Variants in DOCK4 observed in about 807,000 individuals in gnomAD.
DOCK4 encodes the protein dedicator of cytokinesis 4, also known as dedicator of cytokinesis protein 4.
DOCK4 carries 97 observed loss-of-function variants against 268.1 expected under a neutral mutation model. The observed-to-expected ratio is 0.36, with a 90% confidence interval of 0.31 to 0.43. The LOEUF is 0.43. DOCK4 is among the 20% of genes least tolerant of loss of function. DOCK4 has a pLI of 1.00. For missense variants in DOCK4, 2,145 were observed against 2,455.7 expected, an observed-to-expected ratio of 0.87 and a Z score of 2.67; for synonymous variants, 954 against 887.2, an observed-to-expected ratio of 1.08 and a Z score of -1.34.
At chr7:111,836,810 G>C (rs1419356926) in intron 25 of DOCK4, among the ~76,000 whole-genome samples, 1 of 151,948 alleles carries the variant, frequency 6.6e-6, no homozygotes, top group Admixed American at 6.6e-5. Flanking sequence ...GAAAGGTAGG[G>C]CAGTAGAAAT....
At chr7:111,917,226 T>A (rs141231380) in intron 12 of DOCK4, among the ~76,000 whole-genome samples, 5,949 of 151,868 alleles carry the variant, frequency 0.039, 351 homozygotes, top group East Asian at 0.3. Context: ...GACCTTGTGA[T>A]CTGCCCTCCT....
chr7:112,088,895 G>A (rs1389300686), intron 1 of DOCK4, among the ~76,000 whole-genome samples: 1 of 152,058 alleles, frequency 6.6e-6, no homozygotes, highest in Non-Finnish European at 1.5e-5. Flanking sequence ...GATTAATTAA[G>A]TAATGCATTT....
intron 19 of DOCK4, 32 bp from the exon 20 acceptor site, chr7:111,872,122 A>G (rs1222952868): frequency 6.7e-7 from 1 of 1,491,276 alleles, no homozygotes; most frequent in Admixed American, 2.5e-5. Context: ...TTATAAAACT[A>G]AATGCAAATC....
At chr7:111,812,522 T>C (rs1346698748) in intron 27 of DOCK4, among the ~76,000 whole-genome samples, 1 of 152,222 alleles carries the variant, frequency 6.6e-6, no homozygotes, top group Non-Finnish European at 1.5e-5. Flanking sequence ...CCTCAAGCTA[T>C]CCTCCTGTCT....
intron 16 of DOCK4, among the ~76,000 whole-genome samples, chr7:111,881,138 C>T (rs956775606): frequency 6.6e-6 from 1 of 152,102 alleles, no homozygotes; most frequent in Admixed American, 6.6e-5. Context: ...GAAGAGACAA[C>T]CCACATAATG....
intron 8 of DOCK4, among the ~76,000 whole-genome samples, chr7:111,963,523 A>T (rs552270806): frequency 1.6e-5 from 1 of 60,876 alleles, no homozygotes; most frequent in South Asian, 6.3e-4. Context: ...GCGCACCACG[A>T]GACTATATCC....
intron 30 of DOCK4, among the ~76,000 whole-genome samples, chr7:111,792,380 G>T (rs1254826973): frequency 2.0e-5 from 3 of 152,108 alleles, no homozygotes; most frequent in Admixed American, 6.5e-5. Context: ...GAGGGTTTTT[G>T]TTGTTGTTGT....
intron 1 of DOCK4, among the ~76,000 whole-genome samples, chr7:112,139,624 G>C (rs1402534075): frequency 1.3e-5 from 2 of 152,184 alleles, no homozygotes; most frequent in African/African-American, 4.8e-5. Flanking sequence ...TACTTCTGTA[G>C]CCAAGCGTGA....
At chr7:112,001,161 A>C (rs1249726175) in intron 2 of DOCK4, among the ~76,000 whole-genome samples, 1 of 152,210 alleles carries the variant, frequency 6.6e-6, no homozygotes, top group African/African-American at 2.4e-5. Context: ...CCAAGAGCTC[A>C]GCGTAATTTT....
intron 16 of DOCK4, among the ~76,000 whole-genome samples, chr7:111,879,179 C>T (rs1397290378): frequency 6.6e-6 from 1 of 151,884 alleles, no homozygotes; most frequent in Non-Finnish European, 1.5e-5. Context: ...AGTCATGAGG[C>T]CTCCATTCTA....
intron 7 of DOCK4, among the ~76,000 whole-genome samples, chr7:111,978,323 C>T (rs530926812): frequency 6.6e-6 from 1 of 152,286 alleles, no homozygotes; most frequent in East Asian, 1.9e-4. Flanking sequence ...CCTCTACCTC[C>T]CAGGCTCAAG....
At chr7:111,824,711 G>C (rs1802263824) in intron 26 of DOCK4, among the ~76,000 whole-genome samples, 1 of 152,066 alleles carries the variant, frequency 6.6e-6, no homozygotes, top group African/African-American at 2.4e-5. Context: ...TGTAGTGCTG[G>C]GGACAAAGGA....
At chr7:111,962,751 T>C (rs895153863) in intron 8 of DOCK4, among the ~76,000 whole-genome samples, 10 of 152,206 alleles carry the variant, frequency 6.6e-5, no homozygotes, top group African/African-American at 1.9e-4. Context: ...AAAATTTATA[T>C]GGAAATGAAG....
Position 111,727,285 on chromosome 7 carries a change from A to G in DOCK4, c.*989T>C, listed in dbSNP as rs1173531172. The stretch of plus-strand genomic sequence containing the variant: ...TCGTGAGGAATTTTTTATTTTGTGC[A>G]GGACTGAAAGTTAATGCCCTTGCCT... On this transcript the variant is annotated 3_prime_UTR_variant, in exon 53 of 53. Coordinates refer to ENST00000428084, the MANE Select transcript of DOCK4 (RefSeq NM_001363540.2). 6.6e-6 allele frequency: 1 copy of G among 152,628 alleles called. No individual in the cohort carries two copies. Among genetic ancestry groups the G allele is most frequent in the Non-Finnish European group, 1.5e-5 (1 of 68,020 alleles). The allele number at this position is 152,628 out of a possible 1,614,324, so 9.5% of individuals were successfully genotyped here.
chr7:112,151,874 T>G (rs1473240770), intron 1 of DOCK4, among the ~76,000 whole-genome samples: 1 of 151,560 alleles, frequency 6.6e-6, no homozygotes, highest in Non-Finnish European at 1.5e-5. Flanking sequence ...GTGCCTGGCT[T>G]TAGATTCAGA....
chr7:112,165,523 C>CGTGTGTGT lies in DOCK4; in HGVS notation c.37+40571_37+40578dup, dbSNP rs112020512. Among the ~76,000 whole-genome samples the CGTGTGTGT allele has an allele frequency of 7.7e-4, 98 of 126,578 alleles. 1 individual carries two copies. Among genetic ancestry groups the CGTGTGTGT allele is most frequent in the Admixed American group, 1.3e-3 (16 of 12,306 alleles). The allele number at this position is 126,578 out of a possible 152,430, so 83.0% of individuals were successfully genotyped here. A position where few individuals can be genotyped will look rare whatever the true frequency, so the allele number is the denominator to read the frequency against. ...TTGTTGTTCATGGTGGAATAGTATACGTGTGTGTGTGTGTGTGTGTGTGTG... is the reference window on the plus strand; with the variant it reads ...TTGTTGTTCATGGTGGAATAGTATACGTGTGTGTGTGTGTGTGTGTGTGTGTGTGTGTG... On this transcript the variant is annotated intron_variant, in intron 1 of 52. Coordinates refer to ENST00000428084, the MANE Select transcript of DOCK4 (RefSeq NM_001363540.2).
In DOCK4 at chr7:112,057,372, G is replaced by A. The variant is rs146480977; in HGVS notation, c.38-53241C>T. On this transcript the variant is annotated intron_variant, in intron 1 of 52. Coordinates refer to ENST00000428084, the MANE Select transcript of DOCK4 (RefSeq NM_001363540.2). ...TTGAGACCAGCCTAAGCAACACAGCGAAACCCCATCTCCACCAAAAATACA... is the reference window on the plus strand; with the variant it reads ...TTGAGACCAGCCTAAGCAACACAGCAAAACCCCATCTCCACCAAAAATACA... 3.1e-3 allele frequency among the ~76,000 whole-genome samples: 472 copies of A among 152,076 alleles called. 3 individuals carry two copies. Among genetic ancestry groups the A allele is most frequent in the African/African-American group, 0.011 (450 of 41,484 alleles).
At chr7:112,121,105 G>T (rs969539206) in intron 1 of DOCK4, among the ~76,000 whole-genome samples, 1 of 152,146 alleles carries the variant, frequency 6.6e-6, no homozygotes, top group Non-Finnish European at 1.5e-5. Context: ...CACAGTGCTA[G>T]ATATTTTTGT....
At chr7:112,029,965 A>C (rs1295650052) in intron 1 of DOCK4, among the ~76,000 whole-genome samples, 2 of 152,248 alleles carry the variant, frequency 1.3e-5, no homozygotes, top group African/African-American at 4.8e-5. Flanking sequence ...TTTCTGATTC[A>C]AAATGACTTG....
Sources: gnomAD v4.1 joint callset for allele counts (sites outside exome capture counted in the v4.1 genomes callset) on GRCh38, gnomAD v4.1.1 for gene constraint, MANE v1.5 for transcripts, NCBI Gene and HGNC (gene_info 2026-07-23, HGNC 2026-07-21) for gene names.